TRAF3IP2: variants seen among roughly 807,000 people sequenced by gnomAD.
The protein encoded by TRAF3IP2 is E3 ubiquitin ligase TRAF3IP2.
A neutral mutation model predicts 57.9 loss-of-function variants in TRAF3IP2; 35 were observed. The observed-to-expected ratio is 0.60, with a 90% CI of 0.46 to 0.80. TRAF3IP2 has a LOEUF of 0.80. TRAF3IP2 is among the 30% of genes least tolerant of loss of function. TRAF3IP2 has a pLI of 0.00. For synonymous variants in TRAF3IP2, 251 were observed against 268.9 expected (o/e 0.93, Z 0.65); for missense variants, 556 against 706.4 (o/e 0.79, Z 2.41).
chr6:111,559,947 C>G (rs1038911584), intron 8 of TRAF3IP2, among the ~76,000 whole-genome samples: 8 of 152,198 alleles, frequency 5.3e-5, no homozygotes, highest in African/African-American at 1.9e-4. Flanking sequence ...CTCTTTCACT[C>G]CAGCCCCAGG....
intron 8 of TRAF3IP2, among the ~76,000 whole-genome samples, chr6:111,562,518 C>A (rs1258658996): frequency 6.6e-6 from 1 of 152,094 alleles, no homozygotes; most frequent in Non-Finnish European, 1.5e-5. Flanking sequence ...ACTTGTTGAT[C>A]TTTCTGGTAA....
chr6:111,557,195 G>C lies in TRAF3IP2; in HGVS notation c.*2210C>G, dbSNP rs932629913. The C allele has an allele frequency of 7.2e-5, 11 of 152,048 alleles. 1 individual carries two copies. Among genetic ancestry groups the C allele is most frequent in the Admixed American group, 5.2e-4 (8 of 15,260 alleles). The allele number at this position is 152,048 out of a possible 1,614,324, so 9.4% of individuals were successfully genotyped here. A position where few individuals can be genotyped will look rare whatever the true frequency, so the allele number is the denominator to read the frequency against. ...CAAGTGAGCCTTGTTTAAGAGGCTA[G>C]TAGATAAAGAAGGGAAGCAGTAGCT... On this transcript the variant is annotated 3_prime_UTR_variant, in exon 9 of 9. Transcript: ENST00000368761.
chr6:111,591,187 G>A lies in TRAF3IP2; in HGVS notation c.829+71C>T. ...GTTCATGCCAGCCTAGTGACACGAA[G>A]CATTGATGTGAGGCCCTTGTTTCTT... On this transcript the variant is annotated intron_variant, in intron 2 of 8. Coordinates refer to ENST00000368761, the MANE Select transcript of TRAF3IP2 (RefSeq NM_147686.4). This position sits in a 1 kb window ranked among gnomAD's most constrained non-coding sequence, Gnocchi z 4.9. The A allele has an allele frequency of 2.4e-6, 3 of 1,237,202 alleles. No homozygotes were observed. The highest frequency in any genetic ancestry group is 5.0e-5 in the Admixed American group (2 of 39,716). 76.6% of individuals were successfully genotyped at this position (1,237,202 alleles called of 1,614,324 possible). A position where few individuals can be genotyped will look rare whatever the true frequency, so the allele number is the denominator to read the frequency against.
chr6:111,590,540 C>T (rs1000547588), intron 2 of TRAF3IP2, among the ~76,000 whole-genome samples: 3 of 151,972 alleles, frequency 2.0e-5, no homozygotes, highest in African/African-American at 7.3e-5. Flanking sequence ...TATTAGATCT[C>T]GATAAAGCAG....
At chr6:111,580,414 A>G in intron 2 of TRAF3IP2, 25 bp from the exon 3 acceptor site, 1 of 1,520,268 alleles carries the variant, frequency 6.6e-7, no homozygotes, top group Non-Finnish European at 8.8e-7. Context: ...AACAAAGACA[A>G]CAGGGAACAT....
At chr6:111,580,442 TG>T (rs1796121121) in intron 2 of TRAF3IP2, 53 bp from the exon 3 acceptor site, 1 of 1,478,186 alleles carries the variant, frequency 6.8e-7, no homozygotes, top group Admixed American at 2.4e-5. Context: ...AGCTCCTTCG[TG>T]TGAAAGGAGT....
At chr6:111,594,328 C>A (rs1434762431) in intron 1 of TRAF3IP2, among the ~76,000 whole-genome samples, 2 of 152,036 alleles carry the variant, frequency 1.3e-5, no homozygotes, top group Non-Finnish European at 2.9e-5. Flanking sequence ...CAAAGAGATG[C>A]AAAAAGTGAG....
intron 1 of TRAF3IP2, among the ~76,000 whole-genome samples, chr6:111,604,705 G>C (rs1407173475): frequency 2.0e-5 from 3 of 152,200 alleles, no homozygotes; most frequent in South Asian, 2.1e-4. Context: ...ACATGGAAGG[G>C]GGGTGAGCAC....
intron 2 of TRAF3IP2, among the ~76,000 whole-genome samples, chr6:111,580,839 C>G (rs1796136440): frequency 6.6e-6 from 1 of 152,268 alleles, no homozygotes; most frequent in East Asian, 1.9e-4. Flanking sequence ...TGGACATACA[C>G]GTGCATGTGC....
chr6:111,580,879 ACT>A (rs1796141108), intron 2 of TRAF3IP2, among the ~76,000 whole-genome samples: 1 of 149,968 alleles, frequency 6.7e-6, no homozygotes, highest in African/African-American at 2.4e-5. Flanking sequence ...CACACACCCC[ACT>A]CTCCTCTTAA....
chr6:111,562,608 C>G (rs1795486311), intron 8 of TRAF3IP2, among the ~76,000 whole-genome samples: 1 of 152,062 alleles, frequency 6.6e-6, no homozygotes, highest in Non-Finnish European at 1.5e-5. Flanking sequence ...CTTTGGGAGG[C>G]TGAGGCAGGC....
intron 4 of TRAF3IP2, chr6:111,574,726 T>G (rs1402244147): frequency 1.3e-5 from 2 of 152,180 alleles, no homozygotes; most frequent in Non-Finnish European, 2.9e-5. Context: ...ACAAGTCCAC[T>G]CAAGAGCATC....
chr6:111,590,982 G>T (rs551885217), intron 2 of TRAF3IP2, among the ~76,000 whole-genome samples: 1 of 152,244 alleles, frequency 6.6e-6, no homozygotes, highest in African/African-American at 2.4e-5. Flanking sequence ...TTCTAGGCAG[G>T]TTTGTTAAAC....
chr6:111,601,241 A>C (rs767045140), intron 1 of TRAF3IP2: 1 of 764,736 alleles, frequency 1.3e-6, no homozygotes, highest in Non-Finnish European at 2.5e-6. Context: ...TGTTCTGTAC[A>C]GCATCACCAG....
At chr6:111,566,683 C>T (rs1165026049) in intron 6 of TRAF3IP2, 123 bp from the exon 7 acceptor site, 2 of 836,450 alleles carry the variant, frequency 2.4e-6, no homozygotes, top group Non-Finnish European at 4.2e-6. Flanking sequence ...CTGGCCCCCA[C>T]TCAGGCAGAC....
At chr6:111,601,773 GA>G (rs1333088750) in intron 1 of TRAF3IP2, 1 of 152,154 alleles carries the variant, frequency 6.6e-6, no homozygotes, top group African/African-American at 2.4e-5. Flanking sequence ...CTTCGGATCA[GA>G]AACTTTCAAT....
In TRAF3IP2 at chr6:111,557,433, T is replaced by G. The variant is rs1330049472; in HGVS notation, c.*1972A>C. ...TGAGGGTATTGTTGAAGTTTTTTTT[T>G]TTTTTTTTTTTTTTGAGACGGAGTC... On this transcript the variant is annotated 3_prime_UTR_variant, in exon 9 of 9. Coordinates refer to ENST00000368761, the MANE Select transcript of TRAF3IP2 (RefSeq NM_147686.4). 2.1e-5 allele frequency: 3 copies of G among 145,046 alleles called. No individual in the cohort carries two copies. Among genetic ancestry groups the G allele is most frequent in the South Asian group, 4.6e-4 (2 of 4,356 alleles). The allele number at this position is 145,046 out of a possible 1,614,324, so 9.0% of individuals were successfully genotyped here.
rs1186725082 is a variant in TRAF3IP2 at position 111,601,138 on chromosome 6, G to A, written c.-9+4638C>T. ...GCTATTGGGAGGGAAGAAAGGGGATGGGGAAGCCACATAACCCCTAGGAGA... is the reference window on the plus strand; with the variant it reads ...GCTATTGGGAGGGAAGAAAGGGGATAGGGAAGCCACATAACCCCTAGGAGA... On this transcript the variant is annotated intron_variant, in intron 1 of 8. Transcript: ENST00000368761. 1.1e-4 allele frequency: 79 copies of A among 733,358 alleles called. No homozygotes were observed. In the East Asian group the frequency reaches 1.8e-3, roughly 17 times the overall value. 45.4% of individuals were successfully genotyped at this position (733,358 alleles called of 1,614,324 possible).
At chr6:111,604,801 T>A (rs1796970916) in intron 1 of TRAF3IP2, among the ~76,000 whole-genome samples, 1 of 152,192 alleles carries the variant, frequency 6.6e-6, no homozygotes, top group African/African-American at 2.4e-5. Context: ...GGTAACCAAC[T>A]GGTAGTGGGA....
Sources: gnomAD v4.1 joint callset for allele counts (sites outside exome capture counted in the v4.1 genomes callset) on GRCh38, gnomAD v4.1.1 for gene constraint, Gnocchi (gnomAD v3.1) non-coding constraint, MANE v1.5 for transcripts, NCBI Gene and HGNC (gene_info 2026-07-23, HGNC 2026-07-21) for gene names.